The following SV2C variants were observed in gnomAD, a reference collection of about 807,000 sequenced individuals.
SV2C encodes the protein synaptic vesicle glycoprotein 2C, also known as solute carrier family 22 member B3.
A neutral mutation model predicts 79.7 loss-of-function variants in SV2C; 49 were observed. That is an observed-to-expected ratio of 0.61 (90% confidence interval 0.49 to 0.78). The LOEUF (loss-of-function observed/expected upper bound fraction) is 0.78, where lower values mean the gene tolerates loss of function less well. Among genes scored for constraint, SV2C ranks in the 30% least tolerant of loss-of-function variants. The pLI, the probability that SV2C is intolerant of heterozygous loss-of-function variation, is 0.00. For synonymous variants in SV2C, 334 were observed against 333.2 expected (o/e 1.00, Z -0.03); for missense variants, 833 against 912.9 (o/e 0.91, Z 1.13).
At chr5:75,954,764 A>G in the SV2C span, among the ~76,000 whole-genome samples, 1 of 149,262 alleles carries the variant, frequency 6.7e-6, no homozygotes, top group African/African-American at 2.6e-5. Context: ...ACAAACAGAG[A>G]GCCAAATCAT....
intron 1 of SV2C, among the ~76,000 whole-genome samples, chr5:76,111,741 G>C (rs1418578931): frequency 2.0e-5 from 3 of 152,170 alleles, no homozygotes; most frequent in Non-Finnish European, 2.9e-5. Flanking sequence ...CATTTCTCCT[G>C]TTCCTGCATC....
chr5:76,012,423 G>T, the SV2C span, among the ~76,000 whole-genome samples: 2 of 152,156 alleles, frequency 1.3e-5, no homozygotes, highest in Non-Finnish European at 2.9e-5. Context: ...AGAAGTGGCT[G>T]TTCATATCCT....
the SV2C span, among the ~76,000 whole-genome samples, chr5:76,073,503 G>GTATATATATA: frequency 9.5e-3 from 639 of 67,356 alleles, 22 homozygotes; most frequent in Non-Finnish European, 0.014. Flanking sequence ...GTATGTGTGT[G>GTATATATATA]TATATATATA....
chr5:75,921,648 C>G, the SV2C span: 1 of 751,422 alleles, frequency 1.3e-6, no homozygotes, highest in Admixed American at 2.0e-5. Flanking sequence ...TCCCACTGGC[C>G]AATGCGGGGG....
rs754689948 is a variant in SV2C, at chr5:76,291,295, G to A, written c.1212G>A (p.Arg404=). 1.2e-6 allele frequency: 2 copies of A among 1,613,156 alleles called. No homozygotes were observed. The highest frequency in any genetic ancestry group is 2.2e-5 in the South Asian group (2 of 90,974). The change falls in exon 7 of 13, where the codon AGG becomes AGA. Residue 404 remains arginine, a synonymous_variant. Coordinates refer to ENST00000502798, the MANE Select transcript of SV2C (RefSeq NM_014979.4). ...EIESDTGTWY[R]RCFVRIRTEL... is the part of the protein sequence containing the mutation. Reference sequence around the variant, plus strand: ...AGAGTGACACAGGAACATGGTATAGGAGGTGTTTTGTTCGGATCCGCACCG... The same window carrying A: ...AGAGTGACACAGGAACATGGTATAGAAGGTGTTTTGTTCGGATCCGCACCG...
chr5:76,023,303 T>A, the SV2C span, among the ~76,000 whole-genome samples: 1 of 152,150 alleles, frequency 6.6e-6, no homozygotes, highest in East Asian at 1.9e-4. Flanking sequence ...AGAGACCCCG[T>A]GGGATGAGAT....
chr5:75,897,946 T>G, the SV2C span, among the ~76,000 whole-genome samples: 5 of 151,884 alleles, frequency 3.3e-5, no homozygotes, highest in Non-Finnish European at 5.9e-5. Flanking sequence ...TGAAGTTGCT[T>G]ATCAGTTTAA....
At chr5:75,947,711 T>G in the SV2C span, among the ~76,000 whole-genome samples, 37 of 152,170 alleles carry the variant, frequency 2.4e-4, no homozygotes, top group South Asian at 5.6e-3. Context: ...TTTTTCCTAG[T>G]GACAAAAACA....
the SV2C span, among the ~76,000 whole-genome samples, chr5:75,963,876 T>G: frequency 6.6e-6 from 1 of 152,128 alleles, no homozygotes; most frequent in Non-Finnish European, 1.5e-5. Context: ...TTCTTTTTGT[T>G]CTACTTCATA....
At chr5:76,321,558 G>A (rs1403741069) in intron 12 of SV2C, among the ~76,000 whole-genome samples, 1 of 151,940 alleles carries the variant, frequency 6.6e-6, no homozygotes, top group African/African-American at 2.4e-5. Flanking sequence ...TGGGCAATAT[G>A]ATGAAACCCC....
At chr5:76,173,887 C>G (rs1326299127) in intron 2 of SV2C, 1 of 1,595,870 alleles carries the variant, frequency 6.3e-7, no homozygotes, top group Non-Finnish European at 8.6e-7. Context: ...CTCGAAGAAT[C>G]TGTTCTCTCA....
chr5:76,188,495 C>T (rs773193400), intron 2 of SV2C, among the ~76,000 whole-genome samples: 39 of 152,150 alleles, frequency 2.6e-4, no homozygotes, highest in Non-Finnish European at 4.7e-4. Flanking sequence ...AGCCCAGGCT[C>T]TTAACTATTT....
At chr5:76,048,987 G>GAAAA in the SV2C span, among the ~76,000 whole-genome samples, 2 of 80,124 alleles carry the variant, frequency 2.5e-5, no homozygotes, top group Admixed American at 3.3e-4. Flanking sequence ...AAGAAAGAAA[G>GAAAA]AAAGAAAGAA....
intron 2 of SV2C, among the ~76,000 whole-genome samples, chr5:76,160,734 A>C (rs945301021): frequency 6.6e-6 from 1 of 152,240 alleles, no homozygotes; most frequent in African/African-American, 2.4e-5. Context: ...TTGAATAGAC[A>C]TTTCTCCAAG....
At chr5:76,251,156 C>T (rs920540576) in intron 4 of SV2C, among the ~76,000 whole-genome samples, 5 of 152,116 alleles carry the variant, frequency 3.3e-5, no homozygotes, top group African/African-American at 1.2e-4. Flanking sequence ...TTCTGAGAAA[C>T]ATTGTAGGGT....
the SV2C span, among the ~76,000 whole-genome samples, chr5:75,878,386 C>A: frequency 6.6e-6 from 1 of 152,156 alleles, no homozygotes; most frequent in Non-Finnish European, 1.5e-5. Flanking sequence ...TTTTCAGAAT[C>A]TGCTCACCTA....
chr5:75,862,919 G>T, the SV2C span, among the ~76,000 whole-genome samples: 4 of 152,226 alleles, frequency 2.6e-5, no homozygotes, highest in Non-Finnish European at 5.9e-5. Flanking sequence ...GTACAGTGCA[G>T]TGGTTGGCTT....
chr5:76,151,420 G>A (rs1421027714), intron 2 of SV2C, among the ~76,000 whole-genome samples: 1 of 152,158 alleles, frequency 6.6e-6, no homozygotes, highest in Non-Finnish European at 1.5e-5. Context: ...AGAGTGACAT[G>A]GTGAAATGTC....
chr5:75,881,336 A>G, the SV2C span, among the ~76,000 whole-genome samples: 1 of 152,224 alleles, frequency 6.6e-6, no homozygotes, highest in African/African-American at 2.4e-5. Context: ...TGAAGTTTAA[A>G]TACGTTAACA....
Sources: allele counts gnomAD v4.1 joint callset (sites outside exome capture counted in the v4.1 genomes callset), GRCh38; gene constraint gnomAD v4.1.1; transcripts MANE v1.5; gene names NCBI Gene and HGNC (gene_info 2026-07-23, HGNC 2026-07-21).